The following TRPM2 variants were observed in gnomAD, a reference collection of about 807,000 sequenced individuals.
TRPM2 encodes the protein transient receptor potential cation channel subfamily M member 2, also known as estrogen-responsive element-associated gene 1 protein.
A neutral mutation model predicts 174.0 loss-of-function variants in TRPM2; 161 were observed. That is an observed-to-expected ratio of 0.93 (90% confidence interval 0.81 to 1.05). The LOEUF is 1.05. Among genes scored for constraint, TRPM2 ranks in the 50% least tolerant of loss-of-function variants. TRPM2 has a pLI of 0.00. For missense variants in TRPM2, 2,057 were observed against 2,038.0 expected, an observed-to-expected ratio of 1.01 and a Z score of -0.18; for synonymous variants, 954 against 861.3, an observed-to-expected ratio of 1.11 and a Z score of -1.88.
At chr21:44,374,770 C>T (rs752415290) in intron 5 of TRPM2, among the ~76,000 whole-genome samples, 29 of 152,152 alleles carry the variant, frequency 1.9e-4, no homozygotes, top group Non-Finnish European at 3.1e-4. Context: ...AAGCTTCGCT[C>T]GTTCACCCAC....
chr21:44,440,935 G>C (rs762906414), intron 31 of TRPM2, 30 bp downstream of exon 31: 1 of 1,599,126 alleles, frequency 6.3e-7, no homozygotes, highest in South Asian at 1.1e-5. Flanking sequence ...GGAGGCGGGA[G>C]TGGGGAGGCA....
At chr21:44,436,951 C>T in intron 28 of TRPM2, 111 bp from the exon 29 acceptor site, 1 of 846,258 alleles carries the variant, frequency 1.2e-6, no homozygotes, top group South Asian at 1.6e-5. Context: ...CGGTTTGAGC[C>T]TGCAGTGGGC....
chr21:44,393,694 A>G (rs1235852900), intron 11 of TRPM2, among the ~76,000 whole-genome samples: 1 of 151,282 alleles, frequency 6.6e-6, no homozygotes, highest in East Asian at 1.9e-4. Flanking sequence ...TAGTTCTAGT[A>G]ACTTTCTCAG....
intron 27 of TRPM2, among the ~76,000 whole-genome samples, chr21:44,431,880 C>T (rs1281025665): frequency 6.6e-6 from 1 of 152,144 alleles, no homozygotes; most frequent in African/African-American, 2.4e-5. Context: ...ATTGAAATGT[C>T]CTCCGTGGCC....
intron 27 of TRPM2, among the ~76,000 whole-genome samples, chr21:44,427,390 T>C (rs1442071511): frequency 6.6e-6 from 1 of 152,134 alleles, no homozygotes; most frequent in Admixed American, 6.5e-5. Context: ...TGGGGATGGC[T>C]GTGCTGGGAG....
upstream of TRPM2, among the ~76,000 whole-genome samples, chr21:44,352,971 A>C (rs2123003690): frequency 1.2e-4 from 18 of 152,270 alleles, no homozygotes; most frequent in African/African-American, 4.1e-4. Context: ...CCTGACCAAC[A>C]TGGTGAAACC....
At chr21:44,405,306 C>A in intron 17 of TRPM2, 46 bp downstream of exon 17, 1 of 1,606,964 alleles carries the variant, frequency 6.2e-7, no homozygotes, top group Admixed American at 1.7e-5. Flanking sequence ...GGCAGCCAGC[C>A]CTGCAGGGGA....
intron 21 of TRPM2, 68 bp downstream of exon 21, chr21:44,418,176 T>C (rs1014125184): frequency 5.2e-6 from 8 of 1,547,080 alleles, no homozygotes; most frequent in Non-Finnish European, 7.0e-6. Flanking sequence ...GGAGATGGCA[T>C]GGCAGCTCTG....
chr21:44,368,679 G>A (rs1411993679), intron 4 of TRPM2, among the ~76,000 whole-genome samples: 3 of 151,994 alleles, frequency 2.0e-5, no homozygotes, highest in Non-Finnish European at 4.4e-5. Flanking sequence ...TGATCTGCCC[G>A]CCTCGGCCTC....
intron 27 of TRPM2, among the ~76,000 whole-genome samples, chr21:44,431,204 C>G (rs2051009577): frequency 6.6e-6 from 1 of 151,844 alleles, no homozygotes; most frequent in African/African-American, 2.4e-5. Flanking sequence ...TCTCTAAGAC[C>G]TGGTAGGCTG....
chr21:44,401,173 C>T (rs45600738), intron 15 of TRPM2, among the ~76,000 whole-genome samples: 5,107 of 152,262 alleles, frequency 0.034, 255 homozygotes, highest in African/African-American at 0.1. Context: ...CTGATGGCCG[C>T]CTCTGCTCCC....
At chr21:44,377,594 G>A (rs1000852357) in intron 6 of TRPM2, 118 bp from the exon 7 acceptor site, 3 of 1,364,308 alleles carry the variant, frequency 2.2e-6, no homozygotes, top group Non-Finnish European at 3.1e-6. Flanking sequence ...CTCAGTGCAG[G>A]GTCTTGCCCC....
At chr21:44,359,988 C>T (rs1037013824) in intron 2 of TRPM2, among the ~76,000 whole-genome samples, 4 of 151,980 alleles carry the variant, frequency 2.6e-5, no homozygotes, top group Non-Finnish European at 5.9e-5. Context: ...TGTTGTGACC[C>T]GCCCACCTCA....
intron 19 of TRPM2, among the ~76,000 whole-genome samples, chr21:44,410,339 G>C (rs1365851799): frequency 1.2e-5 from 1 of 82,196 alleles, no homozygotes; most frequent in African/African-American, 4.1e-5. Flanking sequence ...TGACCACACT[G>C]TCTTGGTTGG....
intron 2 of TRPM2, among the ~76,000 whole-genome samples, chr21:44,362,335 T>G (rs181775045): frequency 0.02 from 1,884 of 94,964 alleles, 58 homozygotes; most frequent in African/African-American, 0.091. Context: ...AAACCCCGTC[T>G]CTACTAAAAA....
chr21:44,415,791 C>G (rs1452915613), intron 20 of TRPM2: 1 of 152,164 alleles, frequency 6.6e-6, no homozygotes. Flanking sequence ...GGCTGTCCAT[C>G]CGGCCCCTGG....
chr21:44,359,398 T>C (rs952576889), intron 2 of TRPM2, among the ~76,000 whole-genome samples: 5 of 152,216 alleles, frequency 3.3e-5, no homozygotes, highest in Middle Eastern at 3.4e-3. Context: ...CTTAGGGGTT[T>C]GTACGGATTT....
chr21:44,364,761 G>C (rs1408347974), intron 3 of TRPM2, among the ~76,000 whole-genome samples: 4 of 152,218 alleles, frequency 2.6e-5, no homozygotes, highest in Non-Finnish European at 4.4e-5. Flanking sequence ...GAGTCCTTGC[G>C]AGGAGTCTGG....
At chr21:44,412,724 G>C (rs2050145046) in intron 19 of TRPM2, among the ~76,000 whole-genome samples, 1 of 151,844 alleles carries the variant, frequency 6.6e-6, no homozygotes, top group African/African-American at 2.4e-5. Context: ...AATCAAAGAG[G>C]TTCTCTTTGA....
Sources: gnomAD v4.1 joint callset for allele counts (sites outside exome capture counted in the v4.1 genomes callset) on GRCh38, gnomAD v4.1.1 for gene constraint, MANE v1.5 for transcripts, NCBI Gene and HGNC (gene_info 2026-07-23, HGNC 2026-07-21) for gene names.